RIN2: variants seen among roughly 807,000 people sequenced by gnomAD.
RIN2 encodes the protein RAB5 interacting protein 2.
In RIN2, 36 loss-of-function variants were observed where a neutral mutation model predicts 78.0. The ratio of observed to expected loss-of-function variants is 0.46; its 90% CI spans 0.35 to 0.61. The LOEUF is 0.61. Among genes scored for constraint, RIN2 ranks in the 20% least tolerant of loss-of-function variants. The pLI, the probability that RIN2 is intolerant of heterozygous loss-of-function variation, is 0.00. For synonymous variants in RIN2, 466 were observed against 466.8 expected (o/e 1.00, Z 0.02); for missense variants, 1,087 against 1,159.7 (o/e 0.94, Z 0.91).
intron 12 of RIN2, 104 bp from the exon 13 acceptor site, chr20:20,000,509 A>T: frequency 2.3e-6 from 2 of 871,898 alleles, no homozygotes; most frequent in Non-Finnish European, 3.6e-6. Flanking sequence ...ATGACAGGAA[A>T]GGGCCTGGAA....
chr20:19,959,713 G>A (rs1176201655), intron 5 of RIN2, among the ~76,000 whole-genome samples: 1 of 152,250 alleles, frequency 6.6e-6, no homozygotes, highest in Non-Finnish European at 1.5e-5. Context: ...GCAGAGGAAA[G>A]AGAAGTAGCT....
intron 1 of RIN2, among the ~76,000 whole-genome samples, chr20:19,764,416 G>C (rs887750899): frequency 6.6e-6 from 1 of 152,222 alleles, no homozygotes; most frequent in African/African-American, 2.4e-5. Context: ...GCTGAGACCA[G>C]TCACCTCGTC....
intron 1 of RIN2, among the ~76,000 whole-genome samples, chr20:19,766,123 A>G (rs1412483793): frequency 6.6e-6 from 1 of 152,090 alleles, no homozygotes; most frequent in African/African-American, 2.4e-5. Context: ...GCTCCTGGCC[A>G]TCTGTCATGG....
intron 1 of RIN2, among the ~76,000 whole-genome samples, chr20:19,774,879 G>A (rs1401336701): frequency 6.6e-6 from 1 of 152,204 alleles, no homozygotes; most frequent in Non-Finnish European, 1.5e-5. Flanking sequence ...ACTGGTCCCT[G>A]GCTAGAGGAA....
intron 2 of RIN2, among the ~76,000 whole-genome samples, chr20:19,814,161 C>T (rs1311533834): frequency 3.3e-5 from 5 of 152,134 alleles, no homozygotes; most frequent in Non-Finnish European, 5.9e-5. Flanking sequence ...TGTGTGTTTA[C>T]GAGGTCACAC....
At chr20:19,836,888 T>C (rs2036433837) in intron 2 of RIN2, among the ~76,000 whole-genome samples, 1 of 152,128 alleles carries the variant, frequency 6.6e-6, no homozygotes, top group African/African-American at 2.4e-5. Flanking sequence ...ATCACATTAT[T>C]ATAAAAAGCA....
intron 4 of RIN2, among the ~76,000 whole-genome samples, chr20:19,942,551 C>T (rs1443734199): frequency 6.6e-6 from 1 of 152,170 alleles, no homozygotes; most frequent in Admixed American, 6.5e-5. Context: ...CCCGACCCCA[C>T]CCCCACTCCA....
chr20:19,993,756 G>A (rs1350396799), intron 11 of RIN2, among the ~76,000 whole-genome samples: 1 of 152,042 alleles, frequency 6.6e-6, no homozygotes, highest in Non-Finnish European at 1.5e-5. Context: ...TTTTGCCCAG[G>A]GACCAAGAGA....
rs11471757 is a variant in RIN2 at position 19,785,275 on chromosome 20, TACAC to T, written c.-162-14324_-162-14321del. On this transcript the variant is annotated intron_variant, in intron 1 of 12. Transcript: ENST00000255006. ...TAGTCAATGTTCTCACCCCTCTACATACACACACACACACACACACACACACCAG... is the reference window on the plus strand; with the variant it reads ...TAGTCAATGTTCTCACCCCTCTACATACACACACACACACACACACACCAG... Among the ~76,000 whole-genome samples, 944 of 143,042 alleles carry T rather than the reference TACAC, an allele frequency of 6.6e-3. 10 individuals carry two copies. The highest frequency in any genetic ancestry group is 0.021 in the African/African-American group (827 of 39,384). 93.8% of individuals were successfully genotyped at this position (143,042 alleles called of 152,430 possible).
chr20:19,899,348 G>A (rs568949611), intron 3 of RIN2, among the ~76,000 whole-genome samples: 7 of 152,298 alleles, frequency 4.6e-5, no homozygotes, highest in Admixed American at 3.9e-4. Flanking sequence ...GTGGTCCGAG[G>A]TGAATTGGAT....
rs773463747 is a variant in RIN2, at chr20:19,975,130, G to A, written c.1105G>A (p.Glu369Lys). 6 of 1,613,162 alleles carry A rather than the reference G, an allele frequency of 3.7e-6. No homozygotes were observed. The highest frequency in any genetic ancestry group is 5.1e-6 in the Non-Finnish European group (6 of 1,179,894). ...GCTGAAGAAGCAGGCTTCTTTTCTG[G>A]AAGCAGAGGGCGGTGCAAAGACCTT... Reference protein sequence around the residue: ...PRLKKQASFLEAEGGAKTLSG... With the variant: ...PRLKKQASFLKAEGGAKTLSG... The change falls in exon 9 of 13, where the codon GAA becomes AAA. Residue 369 changes from glutamate to lysine, a missense_variant. This residue lies in a region of RIN2 where 706 missense variants were observed against 667.5 expected (regional missense o/e 1.06). Coordinates refer to ENST00000255006, the MANE Select transcript of RIN2 (RefSeq NM_018993.4). This position sits in a 1 kb window ranked among gnomAD's most constrained non-coding sequence, Gnocchi z 4.9.
chr20:19,980,841 A>G (rs532719347), intron 9 of RIN2, among the ~76,000 whole-genome samples: 1 of 152,302 alleles, frequency 6.6e-6, no homozygotes, highest in East Asian at 1.9e-4. Context: ...CAGTCTCTCA[A>G]CAGGGAACAA....
At chr20:19,879,826 T>G (rs1445379010) in intron 2 of RIN2, among the ~76,000 whole-genome samples, 1 of 152,154 alleles carries the variant, frequency 6.6e-6, no homozygotes, top group East Asian at 1.9e-4. Flanking sequence ...TAAAGTAGGT[T>G]TGTATGCTAT....
chr20:19,956,484 A>G, intron 4 of RIN2, 131 bp from the exon 5 acceptor site: 1 of 734,894 alleles, frequency 1.4e-6, no homozygotes, highest in South Asian at 1.7e-5. Flanking sequence ...GGAAGAGAAG[A>G]TGATTAAGGG....
At chr20:19,765,113 G>A (rs762828655) in intron 1 of RIN2, among the ~76,000 whole-genome samples, 1 of 151,758 alleles carries the variant, frequency 6.6e-6, no homozygotes, top group Non-Finnish European at 1.5e-5. Flanking sequence ...GCCTCCCAAA[G>A]TGCTGGGATT....
chr20:19,835,230 T>G (rs891895258), intron 2 of RIN2, among the ~76,000 whole-genome samples: 4 of 152,198 alleles, frequency 2.6e-5, no homozygotes, highest in Non-Finnish European at 5.9e-5. Flanking sequence ...TTTCTTCATG[T>G]CTGCACTAGT....
At chr20:19,940,376 T>TA (rs980253839) in intron 4 of RIN2, among the ~76,000 whole-genome samples, 182 of 152,224 alleles carry the variant, frequency 1.2e-3, no homozygotes, top group African/African-American at 3.8e-3. Context: ...AACCGGTGCA[T>TA]AAAAAAATAA....
Position 19,941,992 on chromosome 20 carries a change from A to G in RIN2, c.158+6793A>G, listed in dbSNP as rs548353508. ...GCCAGGCGCAGTGGCTCATGCCTGTAATCCCAGCTACTCAGGATGAGGCAA... is the reference window on the plus strand; with the variant it reads ...GCCAGGCGCAGTGGCTCATGCCTGTGATCCCAGCTACTCAGGATGAGGCAA... On this transcript the variant is annotated intron_variant, in intron 4 of 12. Transcript: ENST00000255006. Among the ~76,000 whole-genome samples the G allele has an allele frequency of 1.2e-3, 188 of 152,136 alleles. 1 individual carries two copies. The highest frequency in any genetic ancestry group is 1.7e-3 in the Non-Finnish European group (114 of 68,010).
chr20:19,828,968 A>G (rs1335303786), intron 2 of RIN2, among the ~76,000 whole-genome samples: 1 of 152,192 alleles, frequency 6.6e-6, no homozygotes, highest in Non-Finnish European at 1.5e-5. Flanking sequence ...GGTGGAAGGA[A>G]AGGAAAAGCC....
Sources: gnomAD v4.1 joint callset for allele counts (sites outside exome capture counted in the v4.1 genomes callset) on GRCh38, gnomAD v4.1.1 for gene constraint, gnomAD v4.1.1 regional missense constraint, Gnocchi (gnomAD v3.1) non-coding constraint, MANE v1.5 for transcripts, NCBI Gene and HGNC (gene_info 2026-07-23, HGNC 2026-07-21) for gene names.